TBC1D4: variants seen among roughly 807,000 people sequenced by gnomAD.
The protein encoded by TBC1D4 is TBC (Tre-2, BUB2, CDC16) domain-containing protein.
A neutral mutation model predicts 142.5 loss-of-function variants in TBC1D4; 121 were observed. That is an observed-to-expected ratio of 0.85 (90% CI 0.73 to 0.99). The LOEUF is 0.99. TBC1D4 is among the 50% of genes least tolerant of loss of function. The pLI is 0.00. For synonymous variants in TBC1D4, 630 were observed against 628.2 expected (o/e 1.00, Z -0.04); for missense variants, 1,475 against 1,606.6 (o/e 0.92, Z 1.40).
intron 1 of TBC1D4, among the ~76,000 whole-genome samples, chr13:75,386,603 T>C (rs1264423852): frequency 6.6e-6 from 1 of 152,120 alleles, no homozygotes; most frequent in Non-Finnish European, 1.5e-5. Flanking sequence ...TTAGCCAGGA[T>C]GGTCTCGATC....
At chr13:75,287,750 C>A (rs1874844337) in intron 20 of TBC1D4, among the ~76,000 whole-genome samples, 1 of 152,192 alleles carries the variant, frequency 6.6e-6, no homozygotes, top group African/African-American at 2.4e-5. Context: ...TGGGAAGCAA[C>A]TACTTTAGAG....
intron 1 of TBC1D4, among the ~76,000 whole-genome samples, chr13:75,428,410 A>C (rs781610098): frequency 6.6e-6 from 1 of 152,210 alleles, no homozygotes; most frequent in Non-Finnish European, 1.5e-5. Context: ...TCTACCCTTA[A>C]ACTTTTGTTA....
chr13:75,326,396 C>T lies in TBC1D4; in HGVS notation c.1834G>A (p.Gly612Arg). 1 of 1,614,132 alleles carries T rather than the reference C, an allele frequency of 6.2e-7. No individual in the cohort carries two copies. Among genetic ancestry groups the T allele is most frequent in the South Asian group, 1.1e-5 (1 of 91,072 alleles). Residue 612 changes from glycine to arginine, a missense_variant, in exon 10 of 21, where the codon GGG becomes AGG. Around this residue, in one of 2 missense-constraint regions of TBC1D4, gnomAD observed 1,227 missense variants for 1,267.7 expected, o/e 0.97. Coordinates refer to ENST00000377636, the MANE Select transcript of TBC1D4 (RefSeq NM_014832.5). ...GACGGTGGGGACGCTGGCGGTGTCC[C>T]TGGTGGAGAATCCCCTGGTGAGTAG... is the stretch of plus-strand genomic sequence containing the variant. ...KDYSPGDSPP[G>R]TPPASPPSSA...
chr13:75,325,461 C>T (rs980327210), intron 10 of TBC1D4, among the ~76,000 whole-genome samples: 10 of 150,944 alleles, frequency 6.6e-5, no homozygotes, highest in African/African-American at 1.9e-4. Flanking sequence ...CCCTATTTTC[C>T]GTAACAAATT....
At position 75,379,885 on chromosome 13, in the gene TBC1D4, CTCTTTTTTTTTTTTT is replaced by C; in HGVS notation, c.499-17293_499-17279del. Among the ~76,000 whole-genome samples, 2 of 98,564 alleles carry C rather than the reference CTCTTTTTTTTTTTTT, an allele frequency of 2.0e-5. 1 individual carries two copies. The highest frequency in any genetic ancestry group is 8.9e-4 in the South Asian group (2 of 2,258). 64.7% of individuals were successfully genotyped at this position (98,564 alleles called of 152,430 possible). On this transcript the variant is annotated intron_variant, in intron 1 of 20. Transcript: ENST00000377636. Reference sequence around the variant, plus strand: ...AAGTATATCAGTTTTGTTCATCTGACTCTTTTTTTTTTTTTTTTTTTTTTTTTTTTTTTTTTTTGA... The same window carrying C: ...AAGTATATCAGTTTTGTTCATCTGACTTTTTTTTTTTTTTTTTTTTTTTGA...
At chr13:75,328,074 T>G (rs1879428561) in intron 8 of TBC1D4, among the ~76,000 whole-genome samples, 1 of 152,186 alleles carries the variant, frequency 6.6e-6, no homozygotes, top group Non-Finnish European at 1.5e-5. Context: ...TGAAGTTAGT[T>G]TGGTTACAAG....
chr13:75,480,094 CTTCAA>C (rs1403196472), intron 1 of TBC1D4, among the ~76,000 whole-genome samples: 1 of 151,562 alleles, frequency 6.6e-6, no homozygotes, highest in African/African-American at 2.4e-5. Flanking sequence ...CTATTATTTT[CTTCAA>C]TTCAACTACA....
chr13:75,342,668 T>C (rs1462265038), intron 5 of TBC1D4, among the ~76,000 whole-genome samples: 1 of 152,062 alleles, frequency 6.6e-6, no homozygotes, highest in Non-Finnish European at 1.5e-5. Context: ...AAAAAGAAAG[T>C]TTAATTCATA....
chr13:75,454,035 T>C (rs944650295), intron 1 of TBC1D4, among the ~76,000 whole-genome samples: 10 of 152,068 alleles, frequency 6.6e-5, no homozygotes, highest in Non-Finnish European at 1.0e-4. Flanking sequence ...ATTTTTTTTT[T>C]TTTTGAGACA....
chr13:75,462,770 T>G (rs1315425658), intron 1 of TBC1D4, among the ~76,000 whole-genome samples: 1 of 152,118 alleles, frequency 6.6e-6, no homozygotes, highest in Non-Finnish European at 1.5e-5. Flanking sequence ...GGGGACCCTG[T>G]CTGGGCCTTG....
At chr13:75,473,920 C>A (rs1888521378) in intron 1 of TBC1D4, among the ~76,000 whole-genome samples, 1 of 151,948 alleles carries the variant, frequency 6.6e-6, no homozygotes. Context: ...AATGTAGATC[C>A]TAATGATCTT....
Position 75,304,960 on chromosome 13 carries a change from T to C in TBC1D4, c.2752+1353A>G, listed in dbSNP as rs1015052413. The stretch of plus-strand genomic sequence containing the variant: ...AGATATTATAGAACAATGGTATGGT[T>C]TGGCTGTGTCCCCACCCAAATCTCA... On this transcript the variant is annotated intron_variant, in intron 15 of 20. Transcript: ENST00000377636. 2.6e-5 allele frequency among the ~76,000 whole-genome samples: 4 copies of C among 152,178 alleles called. No individual in the cohort carries two copies. In the East Asian group the frequency reaches 7.7e-4, roughly 29 times the overall value.
chr13:75,287,000 A>T lies in TBC1D4; in HGVS notation c.3689T>A (p.Leu1230Ter). ...LQVAHTKIQA[L>*]ESNLENLLTR... ...CAAAAGATTTTCCAGGTTTGATTCCAAGGCCTGGATTTTAGTATGAGCTAC... is the reference window on the plus strand; with the variant it reads ...CAAAAGATTTTCCAGGTTTGATTCCTAGGCCTGGATTTTAGTATGAGCTAC... Residue 1230 changes from leucine (L) to a stop codon, truncating the protein, a stop_gained, in exon 21 of 21, where the codon TTG becomes TAG. Transcript: ENST00000377636. LOFTEE classifies it high-confidence loss of function. The T allele has an allele frequency of 1.2e-6, 2 of 1,613,190 alleles. No individual in the cohort carries two copies. Among genetic ancestry groups the T allele is most frequent in the Non-Finnish European group, 1.7e-6 (2 of 1,179,950 alleles).
At chr13:75,334,730 C>T (rs990318016) in intron 8 of TBC1D4, among the ~76,000 whole-genome samples, 10 of 151,802 alleles carry the variant, frequency 6.6e-5, no homozygotes, top group African/African-American at 2.4e-4. Context: ...ATTACAGGCA[C>T]GCAACACCAC....
chr13:75,474,262 A>G (rs914709481), intron 1 of TBC1D4, among the ~76,000 whole-genome samples: 1 of 152,236 alleles, frequency 6.6e-6, no homozygotes, highest in Admixed American at 6.5e-5. Context: ...ATTCTAGTGT[A>G]GCAGGTAAGA....
At chr13:75,395,455 T>C (rs1884739891) in intron 1 of TBC1D4, among the ~76,000 whole-genome samples, 1 of 152,224 alleles carries the variant, frequency 6.6e-6, no homozygotes, top group Non-Finnish European at 1.5e-5. Context: ...CAAAGGCTAT[T>C]TATAAAGATT....
At chr13:75,345,441 C>G (rs1251934878) in intron 5 of TBC1D4, among the ~76,000 whole-genome samples, 1 of 152,056 alleles carries the variant, frequency 6.6e-6, no homozygotes, top group Non-Finnish European at 1.5e-5. Flanking sequence ...GGAAAACAAC[C>G]CTGAGTGACT....
intron 1 of TBC1D4, among the ~76,000 whole-genome samples, chr13:75,445,078 C>T (rs775849845): frequency 1.3e-5 from 2 of 152,090 alleles, no homozygotes; most frequent in African/African-American, 4.8e-5. Context: ...AGTGTTAGCC[C>T]CAGGACAAGA....
At chr13:75,441,106 A>C (rs1887020443) in intron 1 of TBC1D4, among the ~76,000 whole-genome samples, 1 of 152,122 alleles carries the variant, frequency 6.6e-6, no homozygotes, top group South Asian at 2.1e-4. Flanking sequence ...AACACAAAAA[A>C]TTAGCCAGGC....
Sources: gnomAD v4.1 joint callset for allele counts (sites outside exome capture counted in the v4.1 genomes callset) on GRCh38, gnomAD v4.1.1 for gene constraint, gnomAD v4.1.1 regional missense constraint, MANE v1.5 for transcripts, NCBI Gene and HGNC (gene_info 2026-07-23, HGNC 2026-07-21) for gene names.